Variants in DCHS2 observed in about 807,000 individuals in gnomAD.
DCHS2 encodes the protein dachsous cadherin-related 2, also known as protocadherin-23.
Under a neutral mutation model 182.4 loss-of-function variants are expected in DCHS2, and 142 were observed. The ratio of observed to expected loss-of-function variants is 0.78; its 90% CI spans 0.68 to 0.89. The LOEUF (loss-of-function observed/expected upper bound fraction) is 0.89. DCHS2 is among the 40% of genes least tolerant of loss of function. The probability of loss-of-function intolerance (pLI) is 0.00; values close to 1 mark genes in which losing one functional copy is unlikely to be tolerated. For synonymous variants in DCHS2, 1,740 were observed against 1,663.3 expected, an observed-to-expected ratio of 1.05 and a Z score of -1.12; for missense variants, 4,319 against 4,198.6, an observed-to-expected ratio of 1.03 and a Z score of -0.79.
chr4:154,465,745 C>T lies in DCHS2; in HGVS notation c.2052+23559G>A, dbSNP rs186065635. ...AAGTGAGTTACTAAGTCCAGTTCAC[C>T]CTCAATAAAGGACAATACACAAGGA... On this transcript the variant is annotated intron_variant, in intron 1 of 19. Transcript: ENST00000357232. Among the ~76,000 whole-genome samples, 42 of 152,132 alleles carry T rather than the reference C, an allele frequency of 2.8e-4. 1 individual carries two copies. The highest frequency in any genetic ancestry group is 9.9e-4 in the African/African-American group (41 of 41,516).
chr4:154,389,812 A>G (rs1225723045), intron 1 of DCHS2, among the ~76,000 whole-genome samples: 2 of 151,924 alleles, frequency 1.3e-5, no homozygotes, highest in Non-Finnish European at 2.9e-5. Context: ...CCTATGCTAA[A>G]GTTGAAGGAA....
chr4:154,379,217 C>T (rs1221369283), intron 1 of DCHS2, among the ~76,000 whole-genome samples: 1 of 152,132 alleles, frequency 6.6e-6, no homozygotes, highest in African/African-American at 2.4e-5. Context: ...TTCACAAGGA[C>T]ACATACATGC....
chr4:154,470,532 G>C (rs11099956), intron 1 of DCHS2, among the ~76,000 whole-genome samples: 36,243 of 150,992 alleles, frequency 0.24, 4,678 homozygotes, highest in Middle Eastern at 0.33. Flanking sequence ...TATTAAATAA[G>C]ATCTGTCAGC....
intron 1 of DCHS2, among the ~76,000 whole-genome samples, chr4:154,482,501 G>A (rs1409510006): frequency 6.6e-6 from 1 of 152,032 alleles, no homozygotes; most frequent in African/African-American, 2.4e-5. Flanking sequence ...AAGACTTGGG[G>A]AAAAAAATGG....
chr4:154,412,943 G>T (rs921110190), intron 1 of DCHS2, among the ~76,000 whole-genome samples: 2 of 152,124 alleles, frequency 1.3e-5, no homozygotes, highest in Non-Finnish European at 2.9e-5. Context: ...TTGTTGAAAA[G>T]CACAGAAGTA....
chr4:154,346,380 G>A (rs1366068094), intron 3 of DCHS2, among the ~76,000 whole-genome samples: 1 of 152,186 alleles, frequency 6.6e-6, no homozygotes, highest in African/African-American at 2.4e-5. Flanking sequence ...TGATATTAAT[G>A]AAGGAATTCC....
intron 1 of DCHS2, among the ~76,000 whole-genome samples, chr4:154,378,810 C>G (rs1731043594): frequency 6.6e-6 from 1 of 152,124 alleles, no homozygotes; most frequent in Non-Finnish European, 1.5e-5. Flanking sequence ...AAGTCTGACA[C>G]CTTGTCATAT....
chr4:154,482,113 C>T (rs1490665), intron 1 of DCHS2, among the ~76,000 whole-genome samples: 138,562 of 152,242 alleles, frequency 0.91, 64,425 homozygotes, highest in East Asian at 1. Flanking sequence ...GTAGGGTTAG[C>T]ATGCCCAAAA....
At chr4:154,394,783 G>T (rs1731862027) in intron 1 of DCHS2, among the ~76,000 whole-genome samples, 2 of 152,080 alleles carry the variant, frequency 1.3e-5, no homozygotes, top group South Asian at 4.1e-4. Context: ...TATTTACCTG[G>T]CATCCATATT....
At chr4:154,366,869 C>T (rs1260929637) in intron 2 of DCHS2, among the ~76,000 whole-genome samples, 3 of 152,140 alleles carry the variant, frequency 2.0e-5, no homozygotes, top group Non-Finnish European at 4.4e-5. Flanking sequence ...ATCAAAATCA[C>T]TTTTATCCCT....
intron 2 of DCHS2, chr4:154,374,192 G>T: frequency 2.0e-6 from 1 of 494,490 alleles, no homozygotes; most frequent in Non-Finnish European, 3.6e-6. Context: ...TCTCCTGATG[G>T]ACAGCAGTTC....
At chr4:154,459,382 A>T (rs1734911561) in intron 1 of DCHS2, among the ~76,000 whole-genome samples, 1 of 151,050 alleles carries the variant, frequency 6.6e-6, no homozygotes, top group African/African-American at 2.4e-5. Context: ...ACGTTTCATT[A>T]AAAAAAAAGA....
At chr4:154,360,105 T>C (rs1730049655) in intron 3 of DCHS2, among the ~76,000 whole-genome samples, 1 of 152,086 alleles carries the variant, frequency 6.6e-6, no homozygotes, top group Non-Finnish European at 1.5e-5. Context: ...TTCAGTCTCT[T>C]AATCTGCAAA....
chr4:154,435,141 G>T (rs187874118), intron 1 of DCHS2, among the ~76,000 whole-genome samples: 140 of 152,228 alleles, frequency 9.2e-4, no homozygotes, highest in African/African-American at 3.3e-3. Flanking sequence ...TAGATGAGGG[G>T]TACACAGAGA....
intron 3 of DCHS2, among the ~76,000 whole-genome samples, chr4:154,354,182 T>C (rs1579000427): frequency 6.6e-6 from 1 of 152,328 alleles, no homozygotes; most frequent in East Asian, 1.9e-4. Flanking sequence ...TGCCTCAGCC[T>C]CCCAAAGTGT....
intron 1 of DCHS2, among the ~76,000 whole-genome samples, chr4:154,379,753 A>G (rs952946178): frequency 6.6e-6 from 1 of 152,200 alleles, no homozygotes; most frequent in Non-Finnish European, 1.5e-5. Context: ...ACTTAATTAC[A>G]GTACTTCCCA....
At chr4:154,393,041 T>C (rs1208879672) in intron 1 of DCHS2, among the ~76,000 whole-genome samples, 1 of 152,220 alleles carries the variant, frequency 6.6e-6, no homozygotes, top group Non-Finnish European at 1.5e-5. Context: ...TTCATCTTAC[T>C]GAGTTATTGT....
chr4:154,296,349 G>A (rs946656257), intron 13 of DCHS2, among the ~76,000 whole-genome samples: 1 of 152,106 alleles, frequency 6.6e-6, no homozygotes, highest in Non-Finnish European at 1.5e-5. Context: ...TAGTCAGGAG[G>A]GGTGGCATTC....
At chr4:154,465,036 G>C (rs530949352) in intron 1 of DCHS2, among the ~76,000 whole-genome samples, 55 of 152,316 alleles carry the variant, frequency 3.6e-4, no homozygotes, top group Non-Finnish European at 4.4e-4. Context: ...ATCTGCATTA[G>C]TTATCAGTTG....
Sources: gnomAD v4.1 joint callset for allele counts (sites outside exome capture counted in the v4.1 genomes callset) on GRCh38, gnomAD v4.1.1 for gene constraint, MANE v1.5 for transcripts, NCBI Gene and HGNC (gene_info 2026-07-23, HGNC 2026-07-21) for gene names.